TNNT2: variants seen among roughly 807,000 people sequenced by gnomAD.
TNNT2 encodes troponin T2, cardiac type.
TNNT2 carries 34 observed loss-of-function variants against 62.4 expected under a neutral mutation model. The observed-to-expected ratio is 0.54, with a 90% confidence interval of 0.41 to 0.72. TNNT2 has a LOEUF of 0.72. TNNT2 is among the 30% of genes least tolerant of loss of function. TNNT2 has a pLI of 0.00. For missense variants in TNNT2, 275 were observed against 381.9 expected, an observed-to-expected ratio of 0.72 and a Z score of 2.33; for synonymous variants, 123 against 127.2, an observed-to-expected ratio of 0.97 and a Z score of 0.22.
Position 201,365,627 on chromosome 1 carries a change from C to T in TNNT2, c.277G>A (p.Glu93Lys), listed in dbSNP as rs727504244. 4 of 1,613,996 alleles carry T rather than the reference C, an allele frequency of 2.5e-6. No homozygotes were observed. The highest frequency in any genetic ancestry group is 3.4e-6 in the Non-Finnish European group (4 of 1,180,006). The change falls in exon 9 of 17, where the codon GAG becomes AAG. Residue 93 changes from glutamate to lysine, a missense_variant. Coordinates refer to ENST00000656932, the MANE Select transcript of TNNT2 (RefSeq NM_001276345.2). ...NLVPPKIPDG[E>K]RVDFDDIHRK... ...CCGCTTACATCAAAGTCCACTCTCT[C>T]TCCATCGGGGATCTTGGGAGGCACC...
chr1:201,365,871 C>T (rs1433853901), intron 8 of TNNT2: 1 of 1,453,134 alleles, frequency 6.9e-7, no homozygotes, highest in Non-Finnish European at 9.1e-7. Context: ...AGCTCTTTCA[C>T]ATATGCTATT....
intron 1 of TNNT2, chr1:201,374,320 C>T (rs569999497): frequency 1.3e-5 from 2 of 152,238 alleles, no homozygotes; most frequent in Admixed American, 6.5e-5. Flanking sequence ...TCTCACTGCA[C>T]TGGGAACAGA....
intron 5 of TNNT2, chr1:201,369,340 C>T: frequency 2.1e-6 from 1 of 473,134 alleles, no homozygotes; most frequent in Non-Finnish European, 4.4e-6. Flanking sequence ...GTCCTTCCTG[C>T]TCTGGCTATT....
chr1:201,362,034 G>A lies in TNNT2; in HGVS notation c.610-12C>T, dbSNP rs368041175. 20 of 1,613,744 alleles carry A rather than the reference G, an allele frequency of 1.2e-5. No individual in the cohort carries two copies. Among genetic ancestry groups the A allele is most frequent in the Middle Eastern group, 1.7e-4 (1 of 6,060 alleles). The stretch of plus-strand genomic sequence containing the variant: ...CTTTTCCGCTCTGTCTGGAGGGTGT[G>A]GGAAGCAGAGTAAACTGGCCAGATT... On this transcript the variant is annotated splice_polypyrimidine_tract_variant and intron_variant, in intron 13 of 16. Transcript: ENST00000656932.
intron 5 of TNNT2, 40 bp from the exon 6 acceptor site, chr1:201,368,267 A>C (rs1252616568): frequency 6.2e-7 from 1 of 1,605,972 alleles, no homozygotes; most frequent in South Asian, 1.1e-5. Flanking sequence ...AGCAGGCCCC[A>C]CTCATGCTAT....
rs1253583537 is a variant in TNNT2, at chr1:201,362,491, C to T, written c.601-97G>A. The T allele has an allele frequency of 4.8e-6, 7 of 1,472,290 alleles. No individual in the cohort carries two copies. The African/African-American group carries it at 8.4e-5, about 18-fold the overall frequency. The allele number at this position is 1,472,290 out of a possible 1,614,324, so 91.2% of individuals were successfully genotyped here. On this transcript the variant is annotated intron_variant, in intron 12 of 16. Coordinates refer to ENST00000656932, the MANE Select transcript of TNNT2 (RefSeq NM_001276345.2). ...GCAGGAAGACAAAGGCAAGGAGAGA[C>T]ATGGAAGAGAAGATTCAGATACTCG...
chr1:201,367,725 G>A lies in TNNT2; in HGVS notation c.199+46C>T, dbSNP rs1450474234. On this transcript the variant is annotated intron_variant, in intron 7 of 16. Coordinates refer to ENST00000656932, the MANE Select transcript of TNNT2 (RefSeq NM_001276345.2). The stretch of plus-strand genomic sequence containing the variant: ...GGGCATTCTCCTCCAAAGCTGCTGT[G>A]AGGGGTTCCTTTGCCTCCCTTGTAC... The A allele has an allele frequency of 5.6e-6, 9 of 1,605,444 alleles. No homozygotes were observed. The East Asian group carries it at 6.7e-5, about 12-fold the overall frequency.
At chr1:201,373,477 T>C in intron 1 of TNNT2, 1 of 613,676 alleles carries the variant, frequency 1.6e-6, no homozygotes, top group East Asian at 2.8e-5. Context: ...CACCTGCTGA[T>C]GTCCACTTCG....
chr1:201,373,244 A>G lies in TNNT2; in HGVS notation c.11T>C (p.Ile4Thr). 3 of 1,614,060 alleles carry G rather than the reference A, an allele frequency of 1.9e-6. No individual in the cohort carries two copies. Among genetic ancestry groups the G allele is most frequent in the Non-Finnish European group, 2.5e-6 (3 of 1,179,974 alleles). MSD[I>T]EEVVEEYEEE... is the part of the protein sequence containing the mutation. The stretch of plus-strand genomic sequence containing the variant: ...CTCGTACTCTTCCACCACCTCTTCT[A>G]TGTCAGACATGGTCTCTGCTCTCCC... The change falls in exon 2 of 17, where the codon ATA becomes ACA. Residue 4 changes from isoleucine to threonine, a missense_variant. By Grantham distance (89) the Ile-to-Thr change is moderately conservative. Coordinates refer to ENST00000656932, the MANE Select transcript of TNNT2 (RefSeq NM_001276345.2).
chr1:201,372,009 C>A lies in TNNT2; in HGVS notation c.67+18G>T. The A allele has an allele frequency of 1.9e-6, 3 of 1,613,922 alleles. No individual in the cohort carries two copies. Among genetic ancestry groups the A allele is most frequent in the Non-Finnish European group, 2.5e-6 (3 of 1,180,002 alleles). ...GAGCCTGCCCCTTTCTGGCTCTCCA[C>A]CTGCCTGAGGCACATACCTTCAACA... On this transcript the variant is annotated intron_variant, in intron 4 of 16. Coordinates refer to ENST00000656932, the MANE Select transcript of TNNT2 (RefSeq NM_001276345.2).
chr1:201,367,632 A>T, intron 7 of TNNT2, 139 bp downstream of exon 7: 1 of 995,220 alleles, frequency 1.0e-6, no homozygotes, highest in Non-Finnish European at 1.6e-6. Context: ...TGGAAGTGCC[A>T]CCAAGTTCTG....
Position 201,359,084 on chromosome 1 carries a change from C to G in TNNT2, c.*126G>C, listed in dbSNP as rs574804643. 7 of 1,287,564 alleles carry G rather than the reference C, an allele frequency of 5.4e-6. No homozygotes were observed. The Admixed American group carries it at 5.9e-5, about 11-fold the overall frequency. 79.8% of individuals were successfully genotyped at this position (1,287,564 alleles called of 1,614,324 possible). On this transcript the variant is annotated 3_prime_UTR_variant, in exon 17 of 17. Transcript: ENST00000656932. Reference sequence around the variant, plus strand: ...GGCAGGCAGGAGTGGTGGCTCCCACCTAGGCCAGCTCCCCATTTCCAAACA... The same window carrying G: ...GGCAGGCAGGAGTGGTGGCTCCCACGTAGGCCAGCTCCCCATTTCCAAACA...
In TNNT2 at chr1:201,365,273, T is replaced by C. The variant is rs727505027; in HGVS notation, c.329A>G (p.Asn110Ser). 6.2e-7 allele frequency: 1 copy of C among 1,614,190 alleles called. No homozygotes were observed. Residue 110 changes from asparagine (N) to serine (S), a missense_variant, in exon 10 of 17, where the codon AAT (asparagine) becomes AGT (serine). Physicochemically the swap from Asn to Ser is conservative, Grantham distance 46. Transcript: ENST00000656932. The part of the protein sequence containing the change: ...IHRKRMEKDL[N>S]ELQALIEAHF... ...AGCCTCGATCAGCGCCTGCAACTCA[T>C]TCAGGTCCTTCTCCATGCGCTTCCG...
chr1:201,359,724 T>A, intron 15 of TNNT2, 61 bp from the exon 16 acceptor site: 1 of 1,499,988 alleles, frequency 6.7e-7, no homozygotes, highest in East Asian at 2.4e-5. Flanking sequence ...AGGTCCCAGG[T>A]GGCCTGGGGA....
Position 201,364,305 on chromosome 1 carries a change from C to T in TNNT2, c.482G>A (p.Arg161His), listed in dbSNP as rs201048783. 3.1e-6 allele frequency: 5 copies of T among 1,612,442 alleles called. No homozygotes were observed. The highest frequency in any genetic ancestry group is 2.7e-5 in the African/African-American group (2 of 75,058). Residue 161 changes from arginine to histidine, a missense_variant, in exon 11 of 17, where the codon CGC becomes CAC. Arg to His is a conservative substitution (Grantham distance 29). Coordinates refer to ENST00000656932, the MANE Select transcript of TNNT2 (RefSeq NM_001276345.2). ...GGGCTAGGGGTCACTCACAGCCAGG[C>T]GGTTCTGCCGCTCCTTCTCCCGCTC... ...RNEREKERQN[R>H]LAEERARREE... is the part of the protein sequence containing the mutation.
chr1:201,365,560 C>T, intron 9 of TNNT2, 50 bp downstream of exon 9: 2 of 1,595,642 alleles, frequency 1.3e-6, no homozygotes, highest in Non-Finnish European at 8.6e-7. Flanking sequence ...ACTGAGGGCC[C>T]TTGGGACTAT....
At chr1:201,373,433 G>A in intron 1 of TNNT2, 165 bp from the exon 2 acceptor site, 1 of 679,876 alleles carries the variant, frequency 1.5e-6, no homozygotes, top group South Asian at 1.6e-5. Context: ...CTCCCCTGCT[G>A]GGGGAGATAG....
intron 14 of TNNT2, 37 bp downstream of exon 14, chr1:201,361,876 C>T (rs759469356): frequency 1.8e-5 from 28 of 1,582,500 alleles, no homozygotes; most frequent in Middle Eastern, 3.3e-4. Flanking sequence ...AGAGCAGATG[C>T]GGGCAGTGCC....
intron 7 of TNNT2, chr1:201,367,103 G>A: frequency 1.5e-6 from 1 of 651,458 alleles, no homozygotes; most frequent in East Asian, 2.8e-5. Flanking sequence ...CACTCACGCA[G>A]TGTGGAACTT....
Sources: allele counts gnomAD v4.1 joint callset, GRCh38; gene constraint gnomAD v4.1.1; transcripts MANE v1.5; gene names NCBI Gene and HGNC (gene_info 2026-07-23, HGNC 2026-07-21).